Variants in TTLL6 observed in about 807,000 individuals in gnomAD.
The protein encoded by TTLL6 is tubulin polyglutamylase TTLL6.
Under a neutral mutation model 96.4 loss-of-function variants are expected in TTLL6, and 75 were observed. The ratio of observed to expected loss-of-function variants is 0.78; its 90% CI spans 0.65 to 0.94. The LOEUF (loss-of-function observed/expected upper bound fraction) is 0.94, where lower values mean the gene tolerates loss of function less well. TTLL6 is among the 40% of genes least tolerant of loss of function. TTLL6 has a pLI of 0.00. For synonymous variants in TTLL6, 411 were observed against 419.4 expected (o/e 0.98, Z 0.24); for missense variants, 1,030 against 1,093.0 (o/e 0.94, Z 0.81).
chr17:48,810,825 GTATATATATATA>G (rs1555569643), intron 1 of TTLL6, among the ~76,000 whole-genome samples: 1,657 of 84,344 alleles, frequency 0.02, 85 homozygotes, highest in African/African-American at 0.061. Context: ...GTATGTGTGT[GTATATATATATA>G]TATATATATA....
rs774792849 is a variant in TTLL6 at position 48,770,061 on chromosome 17, TGGTGGATTCTGG to T, written c.2065_2076del (p.Pro689_Thr692del). 30 of 1,613,258 alleles carry T rather than the reference TGGTGGATTCTGG, an allele frequency of 1.9e-5. No individual in the cohort carries two copies. The East Asian group carries it at 6.5e-4, about 35-fold the overall frequency. On this transcript the variant is annotated inframe_deletion, in exon 14 of 16. Transcript: ENST00000393382. The stretch of plus-strand genomic sequence containing the variant: ...GACTTTGGGGAGATTGAGAGTTGGG[TGGTGGATTCTGG>T]GGTGGTTTCTACGGAGGTTAAGTGC...
chr17:48,814,303 A>G, intron 1 of TTLL6, among the ~76,000 whole-genome samples: 1 of 109,866 alleles, frequency 9.1e-6, no homozygotes, highest in Non-Finnish European at 1.7e-5. Flanking sequence ...TGGGTGACAG[A>G]GGGAGACAGT....
chr17:48,778,669 C>T (rs1446951099), intron 13 of TTLL6, among the ~76,000 whole-genome samples: 1 of 151,170 alleles, frequency 6.6e-6, no homozygotes, highest in African/African-American at 2.4e-5. Context: ...CAGTGGCTCA[C>T]ACCTATAATC....
At chr17:48,791,097 C>G (rs1450128262) in intron 9 of TTLL6, among the ~76,000 whole-genome samples, 2 of 152,172 alleles carry the variant, frequency 1.3e-5, no homozygotes, top group Non-Finnish European at 2.9e-5. Flanking sequence ...ACAACTCTTA[C>G]AAAAGATCGA....
intron 13 of TTLL6, among the ~76,000 whole-genome samples, chr17:48,773,611 C>T (rs758902416): frequency 1.3e-5 from 2 of 151,626 alleles, no homozygotes; most frequent in African/African-American, 2.4e-5. Flanking sequence ...ATCCCAGCTA[C>T]TCAGGAAGCT....
At position 48,796,935 on chromosome 17, in the gene TTLL6, C is replaced by G. The variant is rs1004967790; in HGVS notation, c.912+126G>C. The G allele has an allele frequency of 3.3e-5, 37 of 1,131,314 alleles. No individual in the cohort carries two copies. In the African/African-American group the frequency reaches 5.4e-4, roughly 16 times the overall value. 70.1% of individuals were successfully genotyped at this position (1,131,314 alleles called of 1,614,324 possible). A position where few individuals can be genotyped will look rare whatever the true frequency, so the allele number is the denominator to read the frequency against. The stretch of plus-strand genomic sequence containing the variant: ...GGATCCTGGCAGCGCTAAATGAAAC[C>G]CGGCACATAGCAAGTGCTCAACAAA... On this transcript the variant is annotated intron_variant, in intron 7 of 15. Transcript: ENST00000393382.
intron 1 of TTLL6, among the ~76,000 whole-genome samples, chr17:48,816,516 C>T (rs960683962): frequency 8.5e-5 from 13 of 152,048 alleles, no homozygotes; most frequent in African/African-American, 3.1e-4. Flanking sequence ...AATGAAAGAA[C>T]ACCAGGCTGG....
rs1378796331 is a variant in TTLL6 at position 48,810,823 on chromosome 17, G to GTATATATA, written c.104-5833_104-5832insTATATATA. Among the ~76,000 whole-genome samples, 2 of 65,822 alleles carry GTATATATA rather than the reference G, an allele frequency of 3.0e-5. 1 individual carries two copies. Among genetic ancestry groups the GTATATATA allele is most frequent in the Non-Finnish European group, 6.0e-5 (2 of 33,438 alleles). 43.2% of individuals were successfully genotyped at this position (65,822 alleles called of 152,430 possible). A position where few individuals can be genotyped will look rare whatever the true frequency, so the allele number is the denominator to read the frequency against. On this transcript the variant is annotated intron_variant, in intron 1 of 15. Coordinates refer to ENST00000393382, the MANE Select transcript of TTLL6 (RefSeq NM_001130918.3). ...ATATATACACATATATAGTATGTGT[G>GTATATATA]TGTATATATATATATATATATATAT... is the stretch of plus-strand genomic sequence containing the variant.
chr17:48,773,614 A>T (rs775655793), intron 13 of TTLL6, among the ~76,000 whole-genome samples: 4 of 151,232 alleles, frequency 2.6e-5, no homozygotes, highest in Non-Finnish European at 5.9e-5. Flanking sequence ...CCAGCTACTC[A>T]GGAAGCTGAG....
chr17:48,796,956 A>G (rs2039326384), intron 7 of TTLL6, 105 bp downstream of exon 7: 2 of 1,323,318 alleles, frequency 1.5e-6, no homozygotes, highest in Non-Finnish European at 2.0e-6. Flanking sequence ...CAAGTGCTCA[A>G]CAAATGACAC....
chr17:48,769,836 T>A lies in TTLL6; in HGVS notation c.2302A>T (p.Asn768Tyr). ...TNWTLLKSDM[N>Y]KPHLISELLT... ...AGCTCGGATATCAAATGTGGCTTGT[T>A]CATGTCACTCTTTAGCAAAGTCCAG... The change falls in exon 14 of 16, where the codon AAC (asparagine) becomes TAC (tyrosine). Residue 768 changes from asparagine to tyrosine, a missense_variant. Coordinates refer to ENST00000393382, the MANE Select transcript of TTLL6 (RefSeq NM_001130918.3). The A allele has an allele frequency of 1.2e-6, 2 of 1,614,250 alleles. No homozygotes were observed. Among genetic ancestry groups the A allele is most frequent in the Non-Finnish European group, 1.7e-6 (2 of 1,180,044 alleles).
chr17:48,787,178 A>G (rs1169517221), intron 11 of TTLL6, among the ~76,000 whole-genome samples: 1 of 151,840 alleles, frequency 6.6e-6, no homozygotes, highest in African/African-American at 2.4e-5. Context: ...TTCTCTTTCC[A>G]CAAAATGAGC....
chr17:48,790,050 A>G lies in TTLL6; in HGVS notation c.1281T>C (p.Asp427=). The part of the protein sequence containing the change: ...TDSRLDKEVK[D]GLLYDTLVLI... Reference sequence around the variant, plus strand: ...GGACTAAGGTGTCATACAGCAGACCATCTTTCACCTCTTTATCCAACCGAG... The same window carrying G: ...GGACTAAGGTGTCATACAGCAGACCGTCTTTCACCTCTTTATCCAACCGAG... The change falls in exon 10 of 16, where the codon GAT becomes GAC. Residue 427 remains aspartate (D), a synonymous_variant. Coordinates refer to ENST00000393382, the MANE Select transcript of TTLL6 (RefSeq NM_001130918.3). 6.2e-7 allele frequency: 1 copy of G among 1,614,182 alleles called. No homozygotes were observed. The highest frequency in any genetic ancestry group is 8.5e-7 in the Non-Finnish European group (1 of 1,180,018).
At chr17:48,794,234 A>C (rs2039280012) in intron 8 of TTLL6, 1 of 1,614,018 alleles carries the variant, frequency 6.2e-7, no homozygotes, top group Non-Finnish European at 8.5e-7. Flanking sequence ...ACACCCCTCC[A>C]TCACAGCCGA....
intron 13 of TTLL6, among the ~76,000 whole-genome samples, chr17:48,782,660 T>G (rs1436617205): frequency 2.6e-5 from 4 of 152,232 alleles, no homozygotes; most frequent in African/African-American, 9.6e-5. Context: ...CCATGGGTTG[T>G]AAACCTATGA....
At chr17:48,775,077 C>T (rs537171605) in intron 13 of TTLL6, among the ~76,000 whole-genome samples, 5 of 151,130 alleles carry the variant, frequency 3.3e-5, no homozygotes, top group South Asian at 4.2e-4. Context: ...GAGCAAAGAT[C>T]GTGCCACTGC....
At chr17:48,768,475 T>C (rs2038662020) in intron 15 of TTLL6, among the ~76,000 whole-genome samples, 1 of 151,918 alleles carries the variant, frequency 6.6e-6, no homozygotes, top group South Asian at 2.1e-4. Context: ...TTCCACTGTG[T>C]TAGCCAGAAT....
At chr17:48,815,912 T>G (rs1426849624) in intron 1 of TTLL6, 1 of 152,196 alleles carries the variant, frequency 6.6e-6, no homozygotes, top group Non-Finnish European at 1.5e-5. Context: ...TTCTCCACAA[T>G]ATTCAGGGCA....
At chr17:48,792,492 G>A (rs367911168) in intron 8 of TTLL6, among the ~76,000 whole-genome samples, 5 of 152,096 alleles carry the variant, frequency 3.3e-5, no homozygotes, top group Non-Finnish European at 7.3e-5. Flanking sequence ...CAAGAGACAC[G>A]GCTCATCCAG....
Sources: allele counts gnomAD v4.1 joint callset (sites outside exome capture counted in the v4.1 genomes callset), GRCh38; gene constraint gnomAD v4.1.1; transcripts MANE v1.5; gene names NCBI Gene and HGNC (gene_info 2026-07-23, HGNC 2026-07-21).